Variants in PLCL1 observed in about 807,000 individuals in gnomAD.
PLCL1 encodes the protein phospholipase C like 1 (inactive).
A neutral mutation model predicts 84.4 loss-of-function variants in PLCL1; 41 were observed. The observed-to-expected ratio is 0.49, with a 90% CI of 0.38 to 0.63. The LOEUF (loss-of-function observed/expected upper bound fraction) is 0.63, where lower values mean the gene tolerates loss of function less well. Ranked by LOEUF, PLCL1 falls within the 30% of genes least tolerant of loss-of-function variation. The pLI, the probability that PLCL1 is intolerant of heterozygous loss-of-function variation, is 0.00. For missense variants in PLCL1, 1,206 were observed against 1,367.8 expected (o/e 0.88, Z 1.87); for synonymous variants, 490 against 488.3 (o/e 1.00, Z -0.05).
intron 1 of PLCL1, among the ~76,000 whole-genome samples, chr2:198,037,253 A>G (rs1299640953): frequency 1.3e-5 from 2 of 152,244 alleles, no homozygotes; most frequent in Non-Finnish European, 2.9e-5. Context: ...TCAGGATAAT[A>G]GAAGTACTTA....
At chr2:198,112,995 T>C (rs1693657023) in intron 5 of PLCL1, among the ~76,000 whole-genome samples, 1 of 151,930 alleles carries the variant, frequency 6.6e-6, no homozygotes, top group Non-Finnish European at 1.5e-5. Flanking sequence ...ATTATTTTTA[T>C]ACACAAAAGA....
intron 5 of PLCL1, among the ~76,000 whole-genome samples, chr2:198,139,858 C>T (rs1574340874): frequency 6.6e-6 from 1 of 152,178 alleles, no homozygotes; most frequent in South Asian, 2.1e-4. Flanking sequence ...ATGGGTGTAT[C>T]TCAGTTCACA....
intron 1 of PLCL1, among the ~76,000 whole-genome samples, chr2:197,834,735 G>A (rs544639030): frequency 6.6e-6 from 1 of 152,350 alleles, no homozygotes; most frequent in South Asian, 2.1e-4. Context: ...GTGGAAGACA[G>A]TGTGGCAATT....
intron 1 of PLCL1, among the ~76,000 whole-genome samples, chr2:197,965,105 T>C (rs1689701342): frequency 6.6e-6 from 1 of 152,150 alleles, no homozygotes; most frequent in African/African-American, 2.4e-5. Context: ...TCATCCTCTA[T>C]TTTTTGGCAT....
chr2:197,965,364 G>A (rs1485721445), intron 1 of PLCL1, among the ~76,000 whole-genome samples: 2 of 152,004 alleles, frequency 1.3e-5, no homozygotes. Flanking sequence ...GCTCATAGCA[G>A]CCTCTCATGG....
At chr2:197,812,551 A>T (rs1484513833) in intron 1 of PLCL1, among the ~76,000 whole-genome samples, 1 of 152,202 alleles carries the variant, frequency 6.6e-6, no homozygotes, top group African/African-American at 2.4e-5. Context: ...ATTAGTAATG[A>T]TGAGCATTTT....
chr2:197,866,661 C>A (rs898091664), intron 1 of PLCL1, among the ~76,000 whole-genome samples: 4 of 152,102 alleles, frequency 2.6e-5, no homozygotes, highest in Admixed American at 2.0e-4. Context: ...GCTCCCTCAC[C>A]CTCAGATGAG....
At chr2:197,936,319 A>C (rs1241781317) in intron 1 of PLCL1, among the ~76,000 whole-genome samples, 2 of 152,090 alleles carry the variant, frequency 1.3e-5, no homozygotes, top group Non-Finnish European at 2.9e-5. Context: ...TTCTATTTTT[A>C]ATTTTTTGAT....
At chr2:198,137,324 C>T (rs1028922096) in intron 5 of PLCL1, among the ~76,000 whole-genome samples, 6 of 152,026 alleles carry the variant, frequency 3.9e-5, no homozygotes, top group South Asian at 4.1e-4. Flanking sequence ...TCGAATGGCT[C>T]GAAAATTTGA....
intron 1 of PLCL1, among the ~76,000 whole-genome samples, chr2:197,853,067 C>T (rs1242173080): frequency 1.3e-5 from 2 of 152,124 alleles, no homozygotes; most frequent in Non-Finnish European, 2.9e-5. Flanking sequence ...TGCTTTCTGT[C>T]TTTATGAATT....
chr2:198,146,002 A>G (rs1694507699), intron 5 of PLCL1, among the ~76,000 whole-genome samples: 1 of 152,194 alleles, frequency 6.6e-6, no homozygotes, highest in African/African-American at 2.4e-5. Flanking sequence ...TCAGTCATTC[A>G]GCCCTTGGGC....
intron 1 of PLCL1, among the ~76,000 whole-genome samples, chr2:197,821,818 C>A (rs898090461): frequency 6.6e-6 from 1 of 152,054 alleles, no homozygotes; most frequent in African/African-American, 2.4e-5. Flanking sequence ...GTAAAATGAA[C>A]AAGAGGAGAC....
At chr2:198,102,741 T>G (rs968224707) in intron 4 of PLCL1, among the ~76,000 whole-genome samples, 3 of 152,112 alleles carry the variant, frequency 2.0e-5, no homozygotes, top group Non-Finnish European at 4.4e-5. Flanking sequence ...TTCAAATATC[T>G]AAAAGCTTGC....
At chr2:198,027,633 G>GA (rs1691302882) in intron 1 of PLCL1, among the ~76,000 whole-genome samples, 1 of 151,878 alleles carries the variant, frequency 6.6e-6, no homozygotes, top group Admixed American at 6.6e-5. Flanking sequence ...TTTGTCACTT[G>GA]AAAAAATCCT....
At chr2:197,914,956 A>G (rs1688562580) in intron 1 of PLCL1, among the ~76,000 whole-genome samples, 1 of 152,138 alleles carries the variant, frequency 6.6e-6, no homozygotes. Context: ...GTTTCCTCAT[A>G]AATAACCTGG....
chr2:197,916,713 G>GA (rs1688606884), intron 1 of PLCL1, among the ~76,000 whole-genome samples: 1 of 151,666 alleles, frequency 6.6e-6, no homozygotes, highest in Admixed American at 6.6e-5. Flanking sequence ...AGAGTGAAGG[G>GA]AAAATCAAAG....
At chr2:197,973,220 A>G (rs1236538812) in intron 1 of PLCL1, among the ~76,000 whole-genome samples, 1 of 152,186 alleles carries the variant, frequency 6.6e-6, no homozygotes, top group Non-Finnish European at 1.5e-5. Context: ...AAGCTGTAGA[A>G]GGATACAAGT....
chr2:197,859,398 A>G (rs1458770244), intron 1 of PLCL1, among the ~76,000 whole-genome samples: 1 of 152,206 alleles, frequency 6.6e-6, no homozygotes, highest in African/African-American at 2.4e-5. Context: ...TTTTAAACCT[A>G]CTTATACCTT....
At chr2:198,125,152 A>G (rs1190657290) in intron 5 of PLCL1, among the ~76,000 whole-genome samples, 3 of 152,174 alleles carry the variant, frequency 2.0e-5, no homozygotes, top group Non-Finnish European at 4.4e-5. Flanking sequence ...CTTAGAGAAC[A>G]GAAGATATAT....
Sources: gnomAD v4.1 joint callset for allele counts (sites outside exome capture counted in the v4.1 genomes callset) on GRCh38, gnomAD v4.1.1 for gene constraint, MANE v1.5 for transcripts, NCBI Gene and HGNC (gene_info 2026-07-23, HGNC 2026-07-21) for gene names.